Variants in PIK3C3 observed in about 807,000 individuals in gnomAD.
PIK3C3 encodes the protein PI3-kinase type 3.
In PIK3C3, 95 loss-of-function variants were observed where a neutral mutation model predicts 126.1. That is an observed-to-expected ratio of 0.75 (90% CI 0.64 to 0.89). The LOEUF (loss-of-function observed/expected upper bound fraction) is 0.89, where lower values mean the gene tolerates loss of function less well. PIK3C3 is among the 40% of genes least tolerant of loss of function. The pLI is 0.00. For synonymous variants in PIK3C3, 374 were observed against 360.0 expected (o/e 1.04, Z -0.44); for missense variants, 829 against 1,063.2 (o/e 0.78, Z 3.06).
chr18:42,016,978 A>G (rs1401753501), intron 12 of PIK3C3, among the ~76,000 whole-genome samples: 1 of 152,124 alleles, frequency 6.6e-6, no homozygotes, highest in East Asian at 1.9e-4. Flanking sequence ...GATAGTTTGT[A>G]TATATTTCTG....
At chr18:42,014,269 G>A (rs1243127410) in intron 11 of PIK3C3, among the ~76,000 whole-genome samples, 3 of 150,142 alleles carry the variant, frequency 2.0e-5, no homozygotes, top group African/African-American at 7.4e-5. Context: ...ATGCTAGTGA[G>A]CTCAAATAGT....
At chr18:42,042,422 C>G (rs911781110) in intron 19 of PIK3C3, among the ~76,000 whole-genome samples, 1 of 152,090 alleles carries the variant, frequency 6.6e-6, no homozygotes, top group Non-Finnish European at 1.5e-5. Flanking sequence ...GTAAGACCTT[C>G]TAGCAAGTCA....
intron 21 of PIK3C3, among the ~76,000 whole-genome samples, chr18:42,057,463 T>G (rs1157156521): frequency 6.6e-6 from 1 of 152,156 alleles, no homozygotes; most frequent in African/African-American, 2.4e-5. Context: ...AGCAGAAGGA[T>G]TCATCTCAGG....
chr18:41,955,345 C>T lies in PIK3C3; in HGVS notation c.54C>T (p.Asn18=), dbSNP rs763878183. The T allele has an allele frequency of 3.7e-6, 6 of 1,613,306 alleles. No homozygotes were observed. The highest frequency in any genetic ancestry group is 5.1e-6 in the Non-Finnish European group (6 of 1,179,536). Residue 18 remains asparagine (N), a synonymous_variant, in exon 1 of 25, where the codon AAC becomes AAT. Coordinates refer to ENST00000262039, the MANE Select transcript of PIK3C3 (RefSeq NM_002647.4). ...HYIYSCDLDI[N]VQLKIGSLEG... is the part of the protein sequence containing the mutation. Reference sequence around the variant, plus strand: ...TCTATAGTTGTGACCTGGATATCAACGTCCAGCTTAAGATGTAAGAGAACA... The same window carrying T: ...TCTATAGTTGTGACCTGGATATCAATGTCCAGCTTAAGATGTAAGAGAACA...
At chr18:41,996,337 T>C (rs1341696820) in intron 8 of PIK3C3, among the ~76,000 whole-genome samples, 2 of 152,196 alleles carry the variant, frequency 1.3e-5, no homozygotes, top group Non-Finnish European at 2.9e-5. Flanking sequence ...CATTTTTCCT[T>C]TTTCTGGTAG....
intron 24 of PIK3C3, among the ~76,000 whole-genome samples, chr18:42,069,136 T>G (rs2144523206): frequency 6.6e-6 from 1 of 152,256 alleles, no homozygotes; most frequent in South Asian, 2.1e-4. Context: ...TTTTTCTAGC[T>G]CAATAAAAAG....
chr18:42,086,502 A>G lies in PIK3C3; in HGVS notation c.*5365A>G, dbSNP rs2144551596. 6.6e-6 allele frequency: 1 copy of G among 152,356 alleles called. No individual in the cohort carries two copies. Among genetic ancestry groups the G allele is most frequent in the South Asian group, 2.1e-4 (1 of 4,824 alleles). The allele number at this position is 152,356 out of a possible 1,614,324, so 9.4% of individuals were successfully genotyped here. A position where few individuals can be genotyped will look rare whatever the true frequency, so the allele number is the denominator to read the frequency against. ...GGATGAGATAGGAGATTGGCTCAAG[A>G]TAAGGTCACAAAGACCTTGCTGATA... On this transcript the variant is annotated 3_prime_UTR_variant, in exon 25 of 25. Transcript: ENST00000262039.
intron 22 of PIK3C3, among the ~76,000 whole-genome samples, chr18:42,063,162 A>AT (rs1985393191): frequency 6.6e-6 from 1 of 151,104 alleles, no homozygotes; most frequent in East Asian, 1.9e-4. Flanking sequence ...CCTCTCTCTC[A>AT]TTTTCCCATT....
chr18:42,086,706 C>T lies in PIK3C3; in HGVS notation c.*5569C>T, dbSNP rs756015511. 6.6e-6 allele frequency: 1 copy of T among 152,166 alleles called. No individual in the cohort carries two copies. The highest frequency in any genetic ancestry group is 1.5e-5 in the Non-Finnish European group (1 of 68,032). 9.4% of individuals were successfully genotyped at this position (152,166 alleles called of 1,614,324 possible). On this transcript the variant is annotated 3_prime_UTR_variant, in exon 25 of 25. Coordinates refer to ENST00000262039, the MANE Select transcript of PIK3C3 (RefSeq NM_002647.4). ...TGCCATAACAACATCAGGAAGTTAC[C>T]CTATATGGTCTAAAAAGGGGAGGAA...
intron 4 of PIK3C3, among the ~76,000 whole-genome samples, chr18:41,972,638 G>A (rs1980725312): frequency 6.6e-6 from 1 of 152,042 alleles, no homozygotes; most frequent in Non-Finnish European, 1.5e-5. Flanking sequence ...GTGACAGCTT[G>A]CATTAGTATT....
intron 3 of PIK3C3, among the ~76,000 whole-genome samples, chr18:41,969,115 AGT>A (rs1980521010): frequency 6.6e-6 from 1 of 150,928 alleles, no homozygotes; most frequent in Non-Finnish European, 1.5e-5. Context: ...CACCATGCCC[AGT>A]CTGTACCTTG....
intron 24 of PIK3C3, among the ~76,000 whole-genome samples, chr18:42,071,762 AGTT>A (rs1357096951): frequency 2.0e-4 from 30 of 151,320 alleles, no homozygotes; most frequent in Non-Finnish European, 1.5e-5. Flanking sequence ...AAACTTAGTT[AGTT>A]GTTCTAACTT....
intron 13 of PIK3C3, among the ~76,000 whole-genome samples, chr18:42,023,155 G>A (rs1983401746): frequency 1.3e-5 from 2 of 152,020 alleles, no homozygotes; most frequent in African/African-American, 4.8e-5. Flanking sequence ...ACTTTTCTCT[G>A]GCTCAGAATT....
chr18:41,989,282 G>C lies in PIK3C3; in HGVS notation c.619-1177G>C, dbSNP rs1356303979. Among the ~76,000 whole-genome samples the C allele has an allele frequency of 4.6e-5, 7 of 152,008 alleles. No homozygotes were observed. The East Asian group carries it at 1.4e-3, about 29-fold the overall frequency. ...GTCAGGGTCTGGCTATATTGCCCAG[G>C]ATAGTCTCAGACTCCTGGCTTCAAG... On this transcript the variant is annotated intron_variant, in intron 5 of 24. Coordinates refer to ENST00000262039, the MANE Select transcript of PIK3C3 (RefSeq NM_002647.4).
rs554616856 is a variant in PIK3C3 at position 42,039,856 on chromosome 18, G to A, written c.2039-821G>A. Among the ~76,000 whole-genome samples the A allele has an allele frequency of 3.9e-5, 6 of 152,188 alleles. No homozygotes were observed. In the East Asian group the frequency reaches 7.7e-4, roughly 20 times the overall value. On this transcript the variant is annotated intron_variant, in intron 18 of 24. Coordinates refer to ENST00000262039, the MANE Select transcript of PIK3C3 (RefSeq NM_002647.4). ...TTTACTTACTTGGCAAATTTCTTCC[G>A]ACATGGTCAAGAAACAATAAATACC...
At chr18:42,002,733 T>C (rs905053097) in intron 9 of PIK3C3, among the ~76,000 whole-genome samples, 2 of 152,192 alleles carry the variant, frequency 1.3e-5, no homozygotes, top group Non-Finnish European at 2.9e-5. Context: ...CACTTCCAAC[T>C]TGAGCTTCTA....
intron 24 of PIK3C3, among the ~76,000 whole-genome samples, chr18:42,072,788 G>A (rs1004916025): frequency 1.3e-5 from 2 of 152,020 alleles, no homozygotes; most frequent in African/African-American, 2.4e-5. Context: ...CTCCTGCCTC[G>A]GCCTTTTGAG....
intron 22 of PIK3C3, among the ~76,000 whole-genome samples, chr18:42,064,015 C>A (rs1568007598): frequency 6.6e-6 from 1 of 152,194 alleles, no homozygotes; most frequent in East Asian, 1.9e-4. Flanking sequence ...TAAAACTTTC[C>A]CCAGAAGGCC....
At chr18:41,971,939 G>A (rs1980687971) in intron 4 of PIK3C3, among the ~76,000 whole-genome samples, 1 of 151,848 alleles carries the variant, frequency 6.6e-6, no homozygotes, top group Non-Finnish European at 1.5e-5. Flanking sequence ...TTAGGCTTCT[G>A]TTCACCTAAA....
Sources: gnomAD v4.1 joint callset for allele counts (sites outside exome capture counted in the v4.1 genomes callset) on GRCh38, gnomAD v4.1.1 for gene constraint, MANE v1.5 for transcripts, NCBI Gene and HGNC (gene_info 2026-07-23, HGNC 2026-07-21) for gene names.